The following MSR1 variants were observed in gnomAD, a reference collection of about 807,000 sequenced individuals.
MSR1 encodes the protein macrophage scavenger receptor 1, also known as macrophage scavenger receptor types I and II.
Under a neutral mutation model 47.2 loss-of-function variants are expected in MSR1, and 53 were observed. The ratio of observed to expected loss-of-function variants is 1.12; its 90% CI spans 0.90 to 1.41. The LOEUF (loss-of-function observed/expected upper bound fraction) is 1.41. Ranked by LOEUF, MSR1 falls within the 40% of genes most tolerant of loss-of-function variation. MSR1 has a pLI of 0.00. For missense variants in MSR1, 786 were observed against 546.9 expected (o/e 1.44, Z -4.36); for synonymous variants, 239 against 185.6 (o/e 1.29, Z -2.34).
intron 1 of MSR1, among the ~76,000 whole-genome samples, chr8:16,192,382 A>T (rs1199838453): frequency 2.0e-5 from 3 of 152,142 alleles, no homozygotes; most frequent in Non-Finnish European, 2.9e-5. Context: ...TTTTTCACTC[A>T]TGGAAAATTT....
chr8:16,155,185 T>C lies in MSR1; in HGVS notation c.818-41A>G, dbSNP rs34505916. ...AGTTACTGATCATAGTTGTAAAGCA[T>C]AGGAAAAATGGGTTAGTCATCTGTC... On this transcript the variant is annotated intron_variant, in intron 5 of 9. Coordinates refer to ENST00000262101, the MANE Select transcript of MSR1 (RefSeq NM_138715.3). The C allele has an allele frequency of 1.0e-3, 1,549 of 1,488,486 alleles. 13 individuals carry two copies. In the African/African-American group the frequency reaches 0.018, roughly 17 times the overall value. The allele number at this position is 1,488,486 out of a possible 1,614,324, so 92.2% of individuals were successfully genotyped here.
chr8:16,133,260 T>G (rs1352924002), intron 8 of MSR1, among the ~76,000 whole-genome samples: 1 of 152,198 alleles, frequency 6.6e-6, no homozygotes, highest in East Asian at 1.9e-4. Flanking sequence ...CTGAGGATCT[T>G]AAGAATTTAA....
rs954109094 is a variant in MSR1 at position 16,168,572 on chromosome 8, T to G, written c.516A>C (p.Ala172=). 1.2e-6 allele frequency: 2 copies of G among 1,614,178 alleles called. No individual in the cohort carries two copies. Among genetic ancestry groups the G allele is most frequent in the African/African-American group, 1.3e-5 (1 of 75,066 alleles). Residue 172 remains alanine (A), a synonymous_variant, in exon 4 of 10, where the codon GCA becomes GCC. Coordinates refer to ENST00000262101, the MANE Select transcript of MSR1 (RefSeq NM_138715.3). ...TTAAGGACTTGGAGATTTCATCTAT[T>G]GCATTCCCATGTCCCTGGACTGAGG... ...LFSSVQGHGN[A]IDEISKSLIS... is the part of the protein sequence containing the mutation.
intron 1 of MSR1, chr8:16,186,086 T>G: frequency 7.8e-7 from 1 of 1,278,908 alleles, no homozygotes; most frequent in Non-Finnish European, 1.1e-6. Context: ...AATAAAACCT[T>G]GCAAGATTGG....
intron 4 of MSR1, among the ~76,000 whole-genome samples, chr8:16,164,780 T>C (rs1423565312): frequency 6.6e-6 from 1 of 152,046 alleles, no homozygotes; most frequent in Admixed American, 6.5e-5. Flanking sequence ...TTACTTTCAG[T>C]TTGCATTGCC....
intron 8 of MSR1, among the ~76,000 whole-genome samples, chr8:16,135,240 G>C (rs1405627131): frequency 6.6e-6 from 1 of 152,136 alleles, no homozygotes; most frequent in African/African-American, 2.4e-5. Flanking sequence ...AAGCTTTGAA[G>C]TATAGGCTAA....
At chr8:16,162,279 C>G (rs1005170606) in intron 5 of MSR1, among the ~76,000 whole-genome samples, 6 of 151,758 alleles carry the variant, frequency 4.0e-5, no homozygotes, top group Admixed American at 3.9e-4. Context: ...TAACTGTCAA[C>G]CTAATAAGTG....
chr8:16,188,313 T>C (rs1006471118), intron 1 of MSR1, among the ~76,000 whole-genome samples: 11 of 152,062 alleles, frequency 7.2e-5, no homozygotes, highest in African/African-American at 1.9e-4. Context: ...GGATGAAATT[T>C]CTGTCATCTC....
intron 9 of MSR1, among the ~76,000 whole-genome samples, chr8:16,113,346 TA>T (rs1399179807): frequency 6.6e-6 from 1 of 152,092 alleles, no homozygotes; most frequent in Non-Finnish European, 1.5e-5. Flanking sequence ...AAATAAAAGG[TA>T]ATCAGTTTCA....
In MSR1 at chr8:16,168,446, A is replaced by C; in HGVS notation, c.630+12T>G. ...GTTCCAGCAAGTGACCTTGCAGTCC[A>C]CAAACTCTTACCTCTTGTTGTTTGA... is the stretch of plus-strand genomic sequence containing the variant. On this transcript the variant is annotated intron_variant, in intron 4 of 9. Coordinates refer to ENST00000262101, the MANE Select transcript of MSR1 (RefSeq NM_138715.3). The C allele has an allele frequency of 6.2e-7, 1 of 1,613,970 alleles. No individual in the cohort carries two copies. The highest frequency in any genetic ancestry group is 8.5e-7 in the Non-Finnish European group (1 of 1,179,926).
At chr8:16,120,349 T>C (rs1312177244) in intron 9 of MSR1, 69 bp downstream of exon 9, 8 of 1,550,802 alleles carry the variant, frequency 5.2e-6, no homozygotes, top group Non-Finnish European at 7.1e-6. Flanking sequence ...TGCACTCCAG[T>C]CTGGGCGACA....
At chr8:16,149,043 T>C (rs1800775115) in intron 7 of MSR1, among the ~76,000 whole-genome samples, 1 of 151,898 alleles carries the variant, frequency 6.6e-6, no homozygotes, top group African/African-American at 2.4e-5. Flanking sequence ...AGGAATAGAG[T>C]TGGTGGAGCA....
At chr8:16,165,706 T>C (rs1424387914) in intron 4 of MSR1, among the ~76,000 whole-genome samples, 1 of 152,126 alleles carries the variant, frequency 6.6e-6, no homozygotes, top group Admixed American at 6.5e-5. Flanking sequence ...TGGACTAGAC[T>C]AGACAAGCTT....
At chr8:16,122,082 T>G (rs1800018448) in intron 8 of MSR1, among the ~76,000 whole-genome samples, 1 of 152,098 alleles carries the variant, frequency 6.6e-6, no homozygotes, top group African/African-American at 2.4e-5. Context: ...TTATAATTAT[T>G]CTCTTGATTC....
At chr8:16,124,378 G>C (rs1028625690) in intron 8 of MSR1, among the ~76,000 whole-genome samples, 3 of 152,188 alleles carry the variant, frequency 2.0e-5, no homozygotes, top group Non-Finnish European at 4.4e-5. Context: ...TACAAACATA[G>C]TAGACGAGAA....
intron 8 of MSR1, among the ~76,000 whole-genome samples, chr8:16,139,063 T>C (rs185519743): frequency 8.9e-4 from 136 of 152,312 alleles, no homozygotes; most frequent in African/African-American, 3.0e-3. Flanking sequence ...GTAGCTTCTT[T>C]TATTTATAAC....
chr8:16,133,227 C>A (rs1301873588), intron 8 of MSR1, among the ~76,000 whole-genome samples: 1 of 152,100 alleles, frequency 6.6e-6, no homozygotes, highest in African/African-American at 2.4e-5. Context: ...ATGATACTAG[C>A]CATTTAGTCC....
chr8:16,189,837 T>C (rs1184873886), intron 1 of MSR1, among the ~76,000 whole-genome samples: 2 of 145,748 alleles, frequency 1.4e-5, no homozygotes, highest in African/African-American at 2.5e-5. Context: ...TAAAATATAA[T>C]TTTTTCTTTT....
intron 9 of MSR1, among the ~76,000 whole-genome samples, chr8:16,117,741 C>G (rs951663393): frequency 1.3e-5 from 2 of 152,104 alleles, no homozygotes; most frequent in African/African-American, 4.8e-5. Flanking sequence ...AAGCAACACA[C>G]TTCAGGTGTC....
Sources: allele counts gnomAD v4.1 joint callset (sites outside exome capture counted in the v4.1 genomes callset), GRCh38; gene constraint gnomAD v4.1.1; transcripts MANE v1.5; gene names NCBI Gene and HGNC (gene_info 2026-07-23, HGNC 2026-07-21).